The following RAD51B variants were observed in gnomAD, a reference collection of about 807,000 sequenced individuals.
RAD51B encodes the protein RAD51 paralog B, also known as DNA repair protein RAD51 homolog 2.
Under a neutral mutation model 42.2 loss-of-function variants are expected in RAD51B, and 38 were observed. The ratio of observed to expected loss-of-function variants is 0.90; its 90% CI spans 0.70 to 1.18. The LOEUF (loss-of-function observed/expected upper bound fraction) is 1.18, where lower values mean the gene tolerates loss of function less well. Ranked by LOEUF, RAD51B falls within the 50% of genes most tolerant of loss-of-function variation. The probability of loss-of-function intolerance (pLI) is 0.00; values close to 1 mark genes in which losing one functional copy is unlikely to be tolerated. For missense variants in RAD51B, 373 were observed against 400.7 expected, an observed-to-expected ratio of 0.93 and a Z score of 0.59; for synonymous variants, 154 against 145.2, an observed-to-expected ratio of 1.06 and a Z score of -0.43.
At chr14:68,206,540 C>T (rs1256255041) in intron 7 of RAD51B, among the ~76,000 whole-genome samples, 1 of 152,174 alleles carries the variant, frequency 6.6e-6, no homozygotes, top group East Asian at 1.9e-4. Flanking sequence ...TCCATCCAAA[C>T]ATGCATCTCT....
intron 10 of RAD51B, among the ~76,000 whole-genome samples, chr14:68,592,903 G>GATCT (rs200928664): frequency 0.2 from 30,213 of 152,100 alleles, 3,151 homozygotes; most frequent in Non-Finnish European, 0.23. Context: ...TATGGTCTGA[G>GATCT]ATCAGGAAGG....
chr14:68,213,076 A>G (rs144018128), intron 7 of RAD51B, among the ~76,000 whole-genome samples: 1 of 152,312 alleles, frequency 6.6e-6, no homozygotes, highest in Non-Finnish European at 1.5e-5. Context: ...ATGCTGTTCT[A>G]TCCAATTTTC....
At chr14:68,478,187 T>G, downstream of RAD51B, 1 of 1,007,884 alleles carries the variant, frequency 9.9e-7, no homozygotes, top group Non-Finnish European at 1.2e-6. Context: ...GGGGCGGGCA[T>G]GGGCAAGGGG....
intron 10 of RAD51B, among the ~76,000 whole-genome samples, chr14:68,506,773 T>C (rs1477253249): frequency 6.6e-6 from 1 of 152,094 alleles, no homozygotes; most frequent in African/African-American, 2.4e-5. Context: ...CACATCTCAT[T>C]GTTGATATGT....
chr14:68,371,159 C>CA (rs1377396942), intron 8 of RAD51B, among the ~76,000 whole-genome samples: 1 of 150,828 alleles, frequency 6.6e-6, no homozygotes, highest in Non-Finnish European at 1.5e-5. Context: ...TTATTTAGGC[C>CA]AAAAAAATCT....
chr14:68,629,396 G>A (rs898804135), intron 10 of RAD51B, among the ~76,000 whole-genome samples: 11 of 152,170 alleles, frequency 7.2e-5, no homozygotes, highest in African/African-American at 2.7e-4. Context: ...TTCTTTAAAG[G>A]TAGAGAAAGC....
chr14:67,930,465 G>A (rs2044687809), intron 7 of RAD51B, among the ~76,000 whole-genome samples: 1 of 152,030 alleles, frequency 6.6e-6, no homozygotes, highest in African/African-American at 2.4e-5. Context: ...TAATTTTGCT[G>A]GATATAGTAT....
chr14:67,865,443 G>T (rs1284441786), intron 5 of RAD51B, among the ~76,000 whole-genome samples: 1 of 151,244 alleles, frequency 6.6e-6, no homozygotes, highest in Non-Finnish European at 1.5e-5. Flanking sequence ...CACCATGTTG[G>T]CCAAGCTGGT....
chr14:68,063,192 T>C (rs2076596483), intron 7 of RAD51B, among the ~76,000 whole-genome samples: 1 of 152,192 alleles, frequency 6.6e-6, no homozygotes, highest in Non-Finnish European at 1.5e-5. Context: ...ACTTTCCATC[T>C]TGGTCTTTTG....
At chr14:68,296,307 G>T (rs2081612618) in intron 8 of RAD51B, among the ~76,000 whole-genome samples, 1 of 152,066 alleles carries the variant, frequency 6.6e-6, no homozygotes, top group African/African-American at 2.4e-5. Context: ...TCTAGACTAG[G>T]TACTTTGAGT....
chr14:68,367,856 A>G (rs1396864952), intron 8 of RAD51B, among the ~76,000 whole-genome samples: 4 of 152,226 alleles, frequency 2.6e-5, no homozygotes, highest in South Asian at 4.1e-4. Context: ...CAGCTGTGGT[A>G]GAAAAAGGGA....
chr14:68,112,901 G>T (rs1339606617), intron 7 of RAD51B, among the ~76,000 whole-genome samples: 1 of 152,070 alleles, frequency 6.6e-6, no homozygotes, highest in African/African-American at 2.4e-5. Flanking sequence ...TTGCTACGTA[G>T]AAAATTTACT....
At chr14:67,855,730 A>AT (rs1237783900) in intron 4 of RAD51B, among the ~76,000 whole-genome samples, 3 of 152,090 alleles carry the variant, frequency 2.0e-5, no homozygotes, top group South Asian at 2.1e-4. Flanking sequence ...GCAAACATTT[A>AT]TTTTTTTGCT....
intron 7 of RAD51B, among the ~76,000 whole-genome samples, chr14:68,093,060 A>C (rs905924995): frequency 6.7e-6 from 1 of 149,706 alleles, no homozygotes; most frequent in Non-Finnish European, 1.5e-5. Context: ...CCACTTGATC[A>C]TGGTGGATAA....
At chr14:68,332,264 G>A (rs1264330547) in intron 8 of RAD51B, among the ~76,000 whole-genome samples, 1 of 151,988 alleles carries the variant, frequency 6.6e-6, no homozygotes, top group Non-Finnish European at 1.5e-5. Flanking sequence ...GGCTCTTTCA[G>A]TCTTGGTGTA....
chr14:68,642,440 G>A (rs1892481880), intron 10 of RAD51B, among the ~76,000 whole-genome samples: 1 of 152,146 alleles, frequency 6.6e-6, no homozygotes, highest in African/African-American at 2.4e-5. Context: ...ATGTCCATGG[G>A]ATCTGTAGTG....
intron 5 of RAD51B, among the ~76,000 whole-genome samples, chr14:67,871,369 CT>C (rs1283083616): frequency 6.6e-6 from 1 of 152,208 alleles, no homozygotes; most frequent in Non-Finnish European, 1.5e-5. Context: ...CACATACACT[CT>C]CCCAAGACTA....
At chr14:68,653,301 T>C (rs1261317141) in intron 11 of RAD51B, among the ~76,000 whole-genome samples, 1 of 152,180 alleles carries the variant, frequency 6.6e-6, no homozygotes, top group Non-Finnish European at 1.5e-5. Context: ...TGTAGCGTAC[T>C]ATGAGCATGA....
intron 10 of RAD51B, among the ~76,000 whole-genome samples, chr14:68,632,972 T>C (rs1348961499): frequency 2.6e-4 from 5 of 19,114 alleles, no homozygotes; most frequent in African/African-American, 8.8e-4. Context: ...CTTTTTCTTT[T>C]TTTTTTTTTT....
Sources: allele counts gnomAD v4.1 joint callset (sites outside exome capture counted in the v4.1 genomes callset), GRCh38; gene constraint gnomAD v4.1.1; transcripts MANE v1.5; gene names NCBI Gene and HGNC (gene_info 2026-07-23, HGNC 2026-07-21).